The following SRRM4 variants were observed in gnomAD, a reference collection of about 807,000 sequenced individuals.
SRRM4 encodes serine/arginine repetitive matrix 4, also known as serine/arginine repetitive matrix protein 4.
A neutral mutation model predicts 68.9 loss-of-function variants in SRRM4; 33 were observed. The observed-to-expected ratio is 0.48, with a 90% confidence interval of 0.36 to 0.64. SRRM4 has a LOEUF of 0.64. SRRM4 is among the 30% of genes least tolerant of loss of function. The probability of loss-of-function intolerance (pLI) is 0.00; values close to 1 mark genes in which losing one functional copy is unlikely to be tolerated. For missense variants in SRRM4, 817 were observed against 827.1 expected (o/e 0.99, Z 0.15); for synonymous variants, 318 against 318.8 (o/e 1.00, Z 0.03).
chr12:119,041,149 C>T (rs965459175), intron 1 of SRRM4, among the ~76,000 whole-genome samples: 1 of 152,096 alleles, frequency 6.6e-6, no homozygotes, highest in East Asian at 1.9e-4. Context: ...GAAAGGTACT[C>T]GTATTACCCC....
In SRRM4 at chr12:119,130,768, G is replaced by A. The variant is rs779257941; in HGVS notation, c.705G>A (p.Glu235=). The A allele has an allele frequency of 6.2e-7, 1 of 1,610,398 alleles. No homozygotes were observed. The highest frequency in any genetic ancestry group is 1.1e-5 in the South Asian group (1 of 90,986). Residue 235 remains glutamate, a synonymous_variant, in exon 8 of 13, where the codon GAG becomes GAA. Coordinates refer to ENST00000267260, the MANE Select transcript of SRRM4 (RefSeq NM_194286.4). The part of the protein sequence containing the change: ...CSKTLCKDSP[E]AQSSRPPSQP... Reference sequence around the variant, plus strand: ...AGACCCTCTGCAAGGACAGCCCTGAGGCCCAGTCCAGTCGCCCGCCCAGTC... The same window carrying A: ...AGACCCTCTGCAAGGACAGCCCTGAAGCCCAGTCCAGTCGCCCGCCCAGTC...
At chr12:119,010,701 C>T (rs1235313268) in intron 1 of SRRM4, among the ~76,000 whole-genome samples, 2 of 152,114 alleles carry the variant, frequency 1.3e-5, no homozygotes, top group Non-Finnish European at 2.9e-5. Context: ...GATGTCAACA[C>T]TAAAGGAAAA....
chr12:119,094,589 G>C (rs7294450), intron 1 of SRRM4, among the ~76,000 whole-genome samples: 1 of 152,086 alleles, frequency 6.6e-6, no homozygotes, highest in East Asian at 1.9e-4. Flanking sequence ...CTTTGTCTTG[G>C]TGCTGGACCT....
At chr12:119,155,275 C>G (rs1954464982) in intron 12 of SRRM4, among the ~76,000 whole-genome samples, 3 of 152,250 alleles carry the variant, frequency 2.0e-5, no homozygotes, top group Admixed American at 6.5e-5. Context: ...TGATTGAATG[C>G]TGCCCTAAGA....
intron 2 of SRRM4, among the ~76,000 whole-genome samples, chr12:119,107,853 C>G (rs559209418): frequency 6.6e-6 from 1 of 152,142 alleles, no homozygotes; most frequent in Admixed American, 6.5e-5. Context: ...TTGCCTTCTG[C>G]TAGCTTTTGA....
At chr12:119,024,562 C>T (rs7962190) in intron 1 of SRRM4, among the ~76,000 whole-genome samples, 42,225 of 152,114 alleles carry the variant, frequency 0.28, 6,116 homozygotes, top group Non-Finnish European at 0.31. Flanking sequence ...CAGCGTATCT[C>T]CTGTATGTCC....
intron 1 of SRRM4, among the ~76,000 whole-genome samples, chr12:119,075,932 AT>A (rs1953911514): frequency 7.6e-6 from 1 of 131,898 alleles, no homozygotes; most frequent in African/African-American, 3.0e-5. Flanking sequence ...GATGGTGGTG[AT>A]GGTGATGATG....
At position 119,154,173 on chromosome 12, in the gene SRRM4, C is replaced by T. The variant is rs571570943; in HGVS notation, c.1392-70C>T. ...GGGGTGGGAAAGAAAGGGAGTGTCCCTCTCCCACGCGCTCACGCAGAAAAT... is the reference window on the plus strand; with the variant it reads ...GGGGTGGGAAAGAAAGGGAGTGTCCTTCTCCCACGCGCTCACGCAGAAAAT... On this transcript the variant is annotated intron_variant, in intron 11 of 12. Coordinates refer to ENST00000267260, the MANE Select transcript of SRRM4 (RefSeq NM_194286.4). This position sits in a 1 kb window ranked among gnomAD's most constrained non-coding sequence, Gnocchi z 4.7. 2.8e-4 allele frequency: 394 copies of T among 1,429,740 alleles called. 1 individual carries two copies. In the African/African-American group the frequency reaches 5.1e-3, roughly 19 times the overall value. The allele number at this position is 1,429,740 out of a possible 1,614,324, so 88.6% of individuals were successfully genotyped here. A position where few individuals can be genotyped will look rare whatever the true frequency, so the allele number is the denominator to read the frequency against.
At chr12:119,021,548 C>T (rs1029896889) in intron 1 of SRRM4, among the ~76,000 whole-genome samples, 20 of 152,186 alleles carry the variant, frequency 1.3e-4, no homozygotes, top group Non-Finnish European at 2.5e-4. Flanking sequence ...ACCAACTACC[C>T]CCAGTGGTCA....
intron 1 of SRRM4, among the ~76,000 whole-genome samples, chr12:119,038,466 C>T (rs1428218057): frequency 6.6e-6 from 1 of 152,178 alleles, no homozygotes; most frequent in Non-Finnish European, 1.5e-5. Context: ...CCACCTCGGC[C>T]TCCCAAAGTG....
At chr12:119,061,563 T>A (rs1953812600) in intron 1 of SRRM4, among the ~76,000 whole-genome samples, 1 of 152,196 alleles carries the variant, frequency 6.6e-6, no homozygotes, top group Admixed American at 6.5e-5. Context: ...TATTGAAAAG[T>A]TCTGTGTAAA....
chr12:119,131,981 G>C (rs1954301112), intron 8 of SRRM4, among the ~76,000 whole-genome samples: 1 of 152,178 alleles, frequency 6.6e-6, no homozygotes, highest in Non-Finnish European at 1.5e-5. Flanking sequence ...AATGACAACG[G>C]TTGGGCCTGG....
Position 119,154,793 on chromosome 12 carries a change from C to T in SRRM4, c.1532+410C>T, listed in dbSNP as rs1329356202. On this transcript the variant is annotated intron_variant, in intron 12 of 12. Coordinates refer to ENST00000267260, the MANE Select transcript of SRRM4 (RefSeq NM_194286.4). The surrounding 1 kb of genome is among the most constrained non-coding windows in gnomAD (Gnocchi z 4.7). ...GGTGGTGGATCCCGAGCAGCGGAGA[C>T]AGACCTCTACCCTCAGACCTGTACA... Among the ~76,000 whole-genome samples, 1 of 152,196 alleles carries T rather than the reference C, an allele frequency of 6.6e-6. No individual in the cohort carries two copies. Among genetic ancestry groups the T allele is most frequent in the Non-Finnish European group, 1.5e-5 (1 of 68,030 alleles).
At chr12:119,148,318 G>T (rs187595286) in intron 9 of SRRM4, among the ~76,000 whole-genome samples, 254 of 152,262 alleles carry the variant, frequency 1.7e-3, no homozygotes, top group Middle Eastern at 3.4e-3. Flanking sequence ...GTCATCCCTG[G>T]CCTCAGCTCA....
At position 119,156,476 on chromosome 12, in the gene SRRM4, C is replaced by T. The variant is rs770172029; in HGVS notation, c.1533-19C>T. On this transcript the variant is annotated intron_variant, in intron 12 of 12. Transcript: ENST00000267260. ...ACGGAGGGGCCGGCCCTCATCCCTCCTCTCTCTGGTCTCTGCAGTGCCCGG... is the reference window on the plus strand; with the variant it reads ...ACGGAGGGGCCGGCCCTCATCCCTCTTCTCTCTGGTCTCTGCAGTGCCCGG... 3.2e-6 allele frequency: 5 copies of T among 1,572,936 alleles called. No individual in the cohort carries two copies. Among genetic ancestry groups the T allele is most frequent in the Non-Finnish European group, 4.3e-6 (5 of 1,157,702 alleles).
intron 1 of SRRM4, among the ~76,000 whole-genome samples, chr12:119,019,450 T>TC (rs947374315): frequency 1.3e-5 from 2 of 151,890 alleles, no homozygotes; most frequent in South Asian, 2.1e-4. Context: ...GGGCTTGAAT[T>TC]CCCCCCCTCA....
chr12:119,005,453 AGACCTG>A (rs1374609364), intron 1 of SRRM4, among the ~76,000 whole-genome samples: 1 of 152,214 alleles, frequency 6.6e-6, no homozygotes, highest in Non-Finnish European at 1.5e-5. Flanking sequence ...ATCTCGGAAG[AGACCTG>A]GACATTGGGA....
chr12:119,145,859 C>T (rs1954398949), intron 9 of SRRM4, among the ~76,000 whole-genome samples, 174 bp downstream of exon 9: 1 of 152,140 alleles, frequency 6.6e-6, no homozygotes, highest in South Asian at 2.1e-4. Flanking sequence ...GCTTCAGGTA[C>T]AGCTGGATTC....
chr12:119,104,927 G>A (rs946588318), intron 2 of SRRM4, among the ~76,000 whole-genome samples: 3 of 149,922 alleles, frequency 2.0e-5, no homozygotes, highest in South Asian at 2.1e-4. Flanking sequence ...CCATTAACTC[G>A]TCATTTACAT....
Sources: gnomAD v4.1 joint callset for allele counts (sites outside exome capture counted in the v4.1 genomes callset) on GRCh38, gnomAD v4.1.1 for gene constraint, Gnocchi (gnomAD v3.1) non-coding constraint, MANE v1.5 for transcripts, NCBI Gene and HGNC (gene_info 2026-07-23, HGNC 2026-07-21) for gene names.